PLXDC2: variants seen among roughly 807,000 people sequenced by gnomAD.
PLXDC2 encodes the protein plexin domain containing 2.
Under a neutral mutation model 68.9 loss-of-function variants are expected in PLXDC2, and 40 were observed. The ratio of observed to expected loss-of-function variants is 0.58; its 90% CI spans 0.45 to 0.76. The LOEUF is 0.76. Among genes scored for constraint, PLXDC2 ranks in the 30% least tolerant of loss-of-function variants. PLXDC2 has a pLI of 0.00. For synonymous variants in PLXDC2, 243 were observed against 234.2 expected, an observed-to-expected ratio of 1.04 and a Z score of -0.34; for missense variants, 644 against 661.9, an observed-to-expected ratio of 0.97 and a Z score of 0.30.
At chr10:20,081,128 CT>C (rs1836549341) in intron 4 of PLXDC2, among the ~76,000 whole-genome samples, 1 of 151,926 alleles carries the variant, frequency 6.6e-6, no homozygotes, top group Non-Finnish European at 1.5e-5. Flanking sequence ...GAACAAAGAC[CT>C]TCCTAGGACC....
chr10:20,212,671 T>TG (rs1362928460), intron 10 of PLXDC2, among the ~76,000 whole-genome samples: 1 of 152,142 alleles, frequency 6.6e-6, no homozygotes, highest in Non-Finnish European at 1.5e-5. Flanking sequence ...AATTCATTTT[T>TG]GGGGGGCATG....
intron 1 of PLXDC2, among the ~76,000 whole-genome samples, chr10:19,968,160 T>C (rs759405560): frequency 6.6e-6 from 1 of 152,204 alleles, no homozygotes; most frequent in African/African-American, 2.4e-5. Context: ...TTTTGTACAA[T>C]TGCCAGCTGT....
At chr10:20,059,631 C>G (rs1306849149) in intron 3 of PLXDC2, among the ~76,000 whole-genome samples, 1 of 152,090 alleles carries the variant, frequency 6.6e-6, no homozygotes, top group African/African-American at 2.4e-5. Flanking sequence ...AAGAAGTAGC[C>G]AGTTCTCTGT....
chr10:20,093,434 G>T (rs1267490004), intron 4 of PLXDC2, among the ~76,000 whole-genome samples: 1 of 152,050 alleles, frequency 6.6e-6, no homozygotes, highest in African/African-American at 2.4e-5. Flanking sequence ...GGCAAATTTG[G>T]ATTCCACCCT....
At chr10:20,256,093 G>A (rs542957233) in intron 13 of PLXDC2, among the ~76,000 whole-genome samples, 2 of 151,634 alleles carry the variant, frequency 1.3e-5, no homozygotes, top group East Asian at 1.9e-4. Flanking sequence ...TAGATGAAAA[G>A]CCATTTTTCT....
chr10:19,949,902 G>A (rs1833965440), intron 1 of PLXDC2, among the ~76,000 whole-genome samples: 1 of 152,188 alleles, frequency 6.6e-6, no homozygotes, highest in African/African-American at 2.4e-5. Flanking sequence ...TATATGATAG[G>A]CAGATACATT....
At chr10:19,847,202 G>A (rs1837025239) in intron 1 of PLXDC2, among the ~76,000 whole-genome samples, 1 of 152,196 alleles carries the variant, frequency 6.6e-6, no homozygotes, top group Non-Finnish European at 1.5e-5. Context: ...AGTTCTTCCT[G>A]AAGATAATAC....
At chr10:19,885,744 T>G (rs1837833314) in intron 1 of PLXDC2, among the ~76,000 whole-genome samples, 1 of 152,164 alleles carries the variant, frequency 6.6e-6, no homozygotes, top group African/African-American at 2.4e-5. Flanking sequence ...CCATGCTGTT[T>G]TGGTTACTGT....
intron 4 of PLXDC2, among the ~76,000 whole-genome samples, chr10:20,096,685 T>C (rs184567558): frequency 5.8e-4 from 89 of 152,270 alleles, no homozygotes; most frequent in African/African-American, 1.9e-3. Context: ...ACCTCAAGCT[T>C]ATATTCTATA....
chr10:20,070,015 G>C (rs1456922845), intron 4 of PLXDC2, among the ~76,000 whole-genome samples: 1 of 152,144 alleles, frequency 6.6e-6, no homozygotes, highest in African/African-American at 2.4e-5. Flanking sequence ...AGAAGGAAGA[G>C]AGGATCACAG....
intron 1 of PLXDC2, among the ~76,000 whole-genome samples, chr10:19,929,278 T>G (rs530527333): frequency 6.6e-6 from 1 of 151,694 alleles, no homozygotes; most frequent in African/African-American, 2.4e-5. Context: ...AGGGTAGCAG[T>G]TTTTTACTGG....
chr10:19,923,279 C>T (rs543918266), intron 1 of PLXDC2, among the ~76,000 whole-genome samples: 5 of 152,158 alleles, frequency 3.3e-5, no homozygotes, highest in East Asian at 1.9e-4. Flanking sequence ...AGAAAAGTCT[C>T]GCCTGAAGAA....
chr10:20,191,695 C>G (rs980751138), intron 9 of PLXDC2, among the ~76,000 whole-genome samples: 1 of 151,850 alleles, frequency 6.6e-6, no homozygotes, highest in Admixed American at 6.6e-5. Context: ...TTAGGAGATA[C>G]ACCTAATGTT....
chr10:20,202,747 C>A (rs1834938258), intron 9 of PLXDC2, among the ~76,000 whole-genome samples: 2 of 152,118 alleles, frequency 1.3e-5, no homozygotes, highest in African/African-American at 2.4e-5. Flanking sequence ...ATGAATACTT[C>A]ATTCTCTTTC....
chr10:20,067,132 C>A lies in PLXDC2; in HGVS notation c.472-1038C>A, dbSNP rs907888134. On this transcript the variant is annotated intron_variant, in intron 3 of 13. Transcript: ENST00000377252. ...ATTTTTAATATGTTTTGGGTTTTAA[C>A]ATTTTAATATTTATTTTTTAAAAAA... Among the ~76,000 whole-genome samples, 7 of 152,138 alleles carry A rather than the reference C, an allele frequency of 4.6e-5. 1 individual carries two copies. Among genetic ancestry groups the A allele is most frequent in the African/African-American group, 1.7e-4 (7 of 41,514 alleles).
At chr10:19,888,428 G>A (rs907524338) in intron 1 of PLXDC2, among the ~76,000 whole-genome samples, 3 of 152,158 alleles carry the variant, frequency 2.0e-5, no homozygotes, top group Non-Finnish European at 2.9e-5. Context: ...TACCAAGAGC[G>A]GGGTGCAGTG....
In PLXDC2 at chr10:20,126,797, C is replaced by CAT. The variant is rs371472114; in HGVS notation, c.542-16498_542-16497insAT. 6.6e-3 allele frequency among the ~76,000 whole-genome samples: 375 copies of CAT among 56,524 alleles called. 1 individual carries two copies. Among genetic ancestry groups the CAT allele is most frequent in the Non-Finnish European group, 9.5e-3 (240 of 25,280 alleles). 37.1% of individuals were successfully genotyped at this position (56,524 alleles called of 152,430 possible). On this transcript the variant is annotated intron_variant, in intron 4 of 13. Transcript: ENST00000377252. ...ATGTTATATATGTATATAGAACACACGTTATATATGTATATATAACATATA... is the reference window on the plus strand; with the variant it reads ...ATGTTATATATGTATATAGAACACACATGTTATATATGTATATATAACATATA...
At chr10:20,126,962 C>T (rs917552850) in intron 4 of PLXDC2, among the ~76,000 whole-genome samples, 2 of 148,174 alleles carry the variant, frequency 1.3e-5, no homozygotes, top group African/African-American at 2.5e-5. Context: ...GTTATATATA[C>T]ATATATATAA....
chr10:20,035,018 G>T (rs1247916116), intron 2 of PLXDC2, among the ~76,000 whole-genome samples: 1 of 152,134 alleles, frequency 6.6e-6, no homozygotes, highest in African/African-American at 2.4e-5. Flanking sequence ...TGTTAACAAA[G>T]GTGATGTCTA....
Sources: gnomAD v4.1 joint callset for allele counts (sites outside exome capture counted in the v4.1 genomes callset) on GRCh38, gnomAD v4.1.1 for gene constraint, MANE v1.5 for transcripts, NCBI Gene and HGNC (gene_info 2026-07-23, HGNC 2026-07-21) for gene names.